The following TCEANC2 variants were observed in gnomAD, a reference collection of about 807,000 sequenced individuals.
TCEANC2 encodes transcription elongation factor A N-terminal and central domain-containing protein 2.
In TCEANC2, 20 loss-of-function variants were observed where a neutral mutation model predicts 22.8. That is an observed-to-expected ratio of 0.88 (90% CI 0.62 to 1.28). The LOEUF (loss-of-function observed/expected upper bound fraction) is 1.28, where lower values mean the gene tolerates loss of function less well. Among genes scored for constraint, TCEANC2 ranks in the 50% most tolerant of loss-of-function variants. TCEANC2 has a pLI of 0.00. For synonymous variants in TCEANC2, 84 were observed against 95.5 expected (o/e 0.88, Z 0.70); for missense variants, 251 against 249.7 (o/e 1.01, Z -0.03).
intron 2 of TCEANC2, among the ~76,000 whole-genome samples, chr1:54,060,455 G>A (rs1302081090): frequency 1.3e-5 from 2 of 151,776 alleles, no homozygotes; most frequent in African/African-American, 4.8e-5. Context: ...TATGGTCCTA[G>A]CCACTAGGGA....
At chr1:54,066,709 A>C (rs183191246) in intron 2 of TCEANC2, among the ~76,000 whole-genome samples, 53 of 152,388 alleles carry the variant, frequency 3.5e-4, no homozygotes, top group African/African-American at 1.2e-3. Context: ...TCAATAAAAT[A>C]CATTGGTAAA....
At chr1:54,057,113 A>G (rs1407262223) in intron 2 of TCEANC2, among the ~76,000 whole-genome samples, 2 of 151,958 alleles carry the variant, frequency 1.3e-5, no homozygotes, top group Non-Finnish European at 2.9e-5. Context: ...TTTTCTTCCA[A>G]ACCTCTTCCT....
downstream of TCEANC2, among the ~76,000 whole-genome samples, chr1:54,106,875 A>G (rs1213072927): frequency 6.6e-6 from 1 of 152,168 alleles, no homozygotes; most frequent in Non-Finnish European, 1.5e-5. Context: ...TTTTAAATAA[A>G]CTTTTTATTT....
downstream of TCEANC2, among the ~76,000 whole-genome samples, chr1:54,108,433 A>G (rs570307639): frequency 6.6e-6 from 1 of 152,316 alleles, no homozygotes; most frequent in South Asian, 2.1e-4. Context: ...ATCCAGTATG[A>G]CTGGTGTCCT....
At chr1:54,080,477 C>G (rs1658219474) in intron 3 of TCEANC2, among the ~76,000 whole-genome samples, 1 of 152,178 alleles carries the variant, frequency 6.6e-6, no homozygotes, top group Non-Finnish European at 1.5e-5. Flanking sequence ...TAAGCATTGC[C>G]TCTTTCATGG....
At chr1:54,066,002 G>C (rs541611518) in intron 2 of TCEANC2, among the ~76,000 whole-genome samples, 5 of 151,774 alleles carry the variant, frequency 3.3e-5, no homozygotes, top group African/African-American at 1.2e-4. Flanking sequence ...AACAGGTTGG[G>C]GGAGAGGGGG....
chr1:54,059,421 G>A (rs1371268542), intron 2 of TCEANC2, among the ~76,000 whole-genome samples: 1 of 152,092 alleles, frequency 6.6e-6, no homozygotes, highest in Non-Finnish European at 1.5e-5. Context: ...CAAAGTGCTG[G>A]GATTACAGGC....
intron 2 of TCEANC2, among the ~76,000 whole-genome samples, chr1:54,063,271 C>T (rs72664133): frequency 0.023 from 3,493 of 152,268 alleles, 56 homozygotes; most frequent in Non-Finnish European, 0.036. Context: ...ATTCCATCCA[C>T]TGGTCCAGGG....
intron 3 of TCEANC2, among the ~76,000 whole-genome samples, chr1:54,073,469 T>C (rs1277660318): frequency 6.6e-6 from 1 of 152,200 alleles, no homozygotes; most frequent in Admixed American, 6.5e-5. Flanking sequence ...TTCAGCAGCA[T>C]TGCTATTGAT....
intron 4 of TCEANC2, among the ~76,000 whole-genome samples, chr1:54,092,786 G>C (rs1295856035): frequency 9.2e-5 from 14 of 152,298 alleles, no homozygotes; most frequent in Non-Finnish European, 1.5e-5. Context: ...ATCACTAATT[G>C]GTTATGACAC....
rs1171258267 is a variant in TCEANC2 at position 54,104,538 on chromosome 1, CA to C, written c.*8067del. The C allele has an allele frequency of 4.4e-6, 2 of 450,630 alleles. No homozygotes were observed. The highest frequency in any genetic ancestry group is 4.8e-5 in the Admixed American group (2 of 41,938). The allele number at this position is 450,630 out of a possible 1,614,324, so 27.9% of individuals were successfully genotyped here. ...GGAGACTTCTTGGTATTCCTTTGCC[CA>C]ATTTTTTTTTCTTTTTCTTTTTCAG... is the stretch of plus-strand genomic sequence containing the variant. On this transcript the variant is annotated 3_prime_UTR_variant, in exon 5 of 5. Transcript: ENST00000234827.
In TCEANC2 at chr1:54,099,327, G is replaced by A. The variant is rs1296118005; in HGVS notation, c.*2854G>A. ...CTGTTTTCTCCTTGATGCATGTGCA[G>A]AATTTCCATGAACGCTAATGGAGCT... On this transcript the variant is annotated 3_prime_UTR_variant, in exon 5 of 5. Transcript: ENST00000234827. The A allele has an allele frequency of 2.6e-5, 4 of 152,230 alleles. No individual in the cohort carries two copies. Among genetic ancestry groups the A allele is most frequent in the Admixed American group, 2.6e-4 (4 of 15,286 alleles). 9.4% of individuals were successfully genotyped at this position (152,230 alleles called of 1,614,324 possible).
rs146106274 is a variant in TCEANC2, at chr1:54,092,429, G to A, written c.438+3639G>A. Among the ~76,000 whole-genome samples the A allele has an allele frequency of 4.7e-3, 715 of 152,286 alleles. 6 individuals are homozygous for A. The highest frequency in any genetic ancestry group is 0.016 in the African/African-American group (675 of 41,540). ...AGTGGAGCCCGCCTTTGTAAGAGGT[G>A]TAGGATTTTGCTAATTAGAACATAC... On this transcript the variant is annotated intron_variant, in intron 4 of 4. Transcript: ENST00000234827.
chr1:54,099,377 G>A lies in TCEANC2; in HGVS notation c.*2904G>A, dbSNP rs1658613584. On this transcript the variant is annotated 3_prime_UTR_variant, in exon 5 of 5. Coordinates refer to ENST00000234827, the MANE Select transcript of TCEANC2 (RefSeq NM_153035.3). ...TATTCTGAGCATTTGCTGAAGGGAAGGAAGCTTGCAGACATCCCTCCCAAT... is the reference window on the plus strand; with the variant it reads ...TATTCTGAGCATTTGCTGAAGGGAAAGAAGCTTGCAGACATCCCTCCCAAT... 6.6e-6 allele frequency: 1 copy of A among 152,206 alleles called. No individual in the cohort carries two copies. The highest frequency in any genetic ancestry group is 1.5e-5 in the Non-Finnish European group (1 of 68,044). 9.4% of individuals were successfully genotyped at this position (152,206 alleles called of 1,614,324 possible). A position where few individuals can be genotyped will look rare whatever the true frequency, so the allele number is the denominator to read the frequency against.
Position 54,105,329 on chromosome 1 carries a change from T to G in TCEANC2, c.*8856T>G, listed in dbSNP as rs1031996475. 1 of 152,148 alleles carries G rather than the reference T, an allele frequency of 6.6e-6. No homozygotes were observed. Among genetic ancestry groups the G allele is most frequent in the African/African-American group, 2.4e-5 (1 of 41,406 alleles). 9.4% of individuals were successfully genotyped at this position (152,148 alleles called of 1,614,324 possible). On this transcript the variant is annotated 3_prime_UTR_variant, in exon 5 of 5. Coordinates refer to ENST00000234827, the MANE Select transcript of TCEANC2 (RefSeq NM_153035.3). ...AGAGTTACCTCACTGACATACCCCT[T>G]TCCCAGGCAGGTCAGTTCAAGGTTA...
intron 4 of TCEANC2, among the ~76,000 whole-genome samples, chr1:54,090,321 T>C (rs1041578776): frequency 6.6e-6 from 1 of 152,258 alleles, no homozygotes; most frequent in African/African-American, 2.4e-5. Flanking sequence ...CATAATCTTG[T>C]TAACACATTG....
chr1:54,069,931 C>G (rs1658026794), intron 3 of TCEANC2, among the ~76,000 whole-genome samples: 1 of 152,164 alleles, frequency 6.6e-6, no homozygotes, highest in African/African-American at 2.4e-5. Flanking sequence ...CCCAGCTCCC[C>G]AGGGAGTCCA....
Position 54,100,472 on chromosome 1 carries a change from T to C in TCEANC2, c.*3999T>C, listed in dbSNP as rs1658641371. 1 of 152,032 alleles carries C rather than the reference T, an allele frequency of 6.6e-6. No individual in the cohort carries two copies. The highest frequency in any genetic ancestry group is 2.4e-5 in the African/African-American group (1 of 41,360). 9.4% of individuals were successfully genotyped at this position (152,032 alleles called of 1,614,324 possible). A position where few individuals can be genotyped will look rare whatever the true frequency, so the allele number is the denominator to read the frequency against. The stretch of plus-strand genomic sequence containing the variant: ...AACTAAATAAATAGAGTATAGCATA[T>C]TGGGTGATAACTATAGACATGAAAA... On this transcript the variant is annotated 3_prime_UTR_variant, in exon 5 of 5. Transcript: ENST00000234827.
At chr1:54,095,274 C>T (rs1027785805) in intron 4 of TCEANC2, among the ~76,000 whole-genome samples, 5 of 152,152 alleles carry the variant, frequency 3.3e-5, no homozygotes, top group South Asian at 2.1e-4. Flanking sequence ...GTTTTTGCCT[C>T]GGCTTTGACA....
Sources: allele counts gnomAD v4.1 joint callset (sites outside exome capture counted in the v4.1 genomes callset), GRCh38; gene constraint gnomAD v4.1.1; transcripts MANE v1.5; gene names NCBI Gene and HGNC (gene_info 2026-07-23, HGNC 2026-07-21).